ECRG4: variants seen among roughly 807,000 people sequenced by gnomAD.
ECRG4 encodes ECRG4 augurin precursor, also known as augurin.
ECRG4 carries 18 observed loss-of-function variants against 15.8 expected under a neutral mutation model. The observed-to-expected ratio is 1.14, with a 90% CI of 0.79 to 1.69. The LOEUF (loss-of-function observed/expected upper bound fraction) is 1.69. Among genes scored for constraint, ECRG4 ranks in the 40% most tolerant of loss-of-function variants. The pLI is 0.00. For missense variants in ECRG4, 200 were observed against 190.9 expected, an observed-to-expected ratio of 1.05 and a Z score of -0.28; for synonymous variants, 82 against 73.9, an observed-to-expected ratio of 1.11 and a Z score of -0.56.
chr2:106,066,037 C>T (rs1249487973), intron 1 of ECRG4, among the ~76,000 whole-genome samples, 194 bp downstream of exon 1: 1 of 152,194 alleles, frequency 6.6e-6, no homozygotes, highest in Non-Finnish European at 1.5e-5. Flanking sequence ...AAGTGGTGCC[C>T]TTGTGAGGGT....
In ECRG4 at chr2:106,066,504, T is replaced by G. The variant is rs1291172806; in HGVS notation, c.79+661T>G. On this transcript the variant is annotated intron_variant, in intron 1 of 3. Transcript: ENST00000238044. ...TCGCTGGGCTCCACAGGCCCCACTT[T>G]AGGAACCATAATCTGAAGCCGTGGT... 1.3e-5 allele frequency among the ~76,000 whole-genome samples: 2 copies of G among 152,208 alleles called. 1 individual carries two copies. Among genetic ancestry groups the G allele is most frequent in the Admixed American group, 1.3e-4 (2 of 15,284 alleles).
chr2:106,071,567 T>G (rs1676374263), intron 1 of ECRG4, among the ~76,000 whole-genome samples: 1 of 152,180 alleles, frequency 6.6e-6, no homozygotes, highest in Non-Finnish European at 1.5e-5. Flanking sequence ...CGCCTCGTAG[T>G]AAGACACAGG....
intron 3 of ECRG4, among the ~76,000 whole-genome samples, chr2:106,075,263 T>C (rs1676459765): frequency 6.6e-6 from 1 of 152,264 alleles, no homozygotes; most frequent in Non-Finnish European, 1.5e-5. Flanking sequence ...CACATTCCTG[T>C]GAGTCACATG....
intron 1 of ECRG4, among the ~76,000 whole-genome samples, chr2:106,071,394 C>G (rs189805702): frequency 3.4e-4 from 44 of 128,060 alleles, no homozygotes; most frequent in African/African-American, 1.3e-3. Context: ...AAATAAAAAT[C>G]TTGAGATCCT....
At position 106,073,878 on chromosome 2, in the gene ECRG4, G is replaced by T. The variant is rs202023481; in HGVS notation, c.128-8G>T. The T allele has an allele frequency of 5.6e-6, 9 of 1,612,278 alleles. No individual in the cohort carries two copies. Among genetic ancestry groups the T allele is most frequent in the East Asian group, 2.2e-5 (1 of 44,816 alleles). ...TGTGCTTTGGGGATGGGGAATTGAT[G>T]ATTTCAGCACCTGTTCCAACTAAGA... is the stretch of plus-strand genomic sequence containing the variant. On this transcript the variant is annotated splice_region_variant and splice_polypyrimidine_tract_variant and intron_variant, in intron 2 of 3. Coordinates refer to ENST00000238044, the MANE Select transcript of ECRG4 (RefSeq NM_032411.3).
rs1402618755 is a variant in ECRG4, at chr2:106,077,847, A to G, written c.368A>G (p.Tyr123Cys). ...TATGGCGATTACTACCAACGTCACTATGATGAAGACTCTGCAATTGGTCCC... is the reference window on the plus strand; with the variant it reads ...TATGGCGATTACTACCAACGTCACTGTGATGAAGACTCTGCAATTGGTCCC... ...EYYGDYYQRHYDEDSAIGPRS... is the reference protein window; with the variant it reads ...EYYGDYYQRHCDEDSAIGPRS... Residue 123 changes from tyrosine to cysteine, a missense_variant, in exon 4 of 4, where the codon TAT (tyrosine) becomes TGT (cysteine). Physicochemically the swap from Tyr to Cys is radical, Grantham distance 194. Coordinates refer to ENST00000238044, the MANE Select transcript of ECRG4 (RefSeq NM_032411.3). The G allele has an allele frequency of 1.9e-6, 3 of 1,614,092 alleles. No homozygotes were observed. Among genetic ancestry groups the G allele is most frequent in the East Asian group, 2.2e-5 (1 of 44,874 alleles).
At chr2:106,074,267 AC>A in intron 3 of ECRG4, 3 of 527,796 alleles carry the variant, frequency 5.7e-6, no homozygotes, top group Non-Finnish European at 6.7e-6. Context: ...GGCAGAACCC[AC>A]GGCAGTCATG....
At chr2:106,070,262 G>A (rs918277104) in intron 1 of ECRG4, among the ~76,000 whole-genome samples, 2 of 152,198 alleles carry the variant, frequency 1.3e-5, no homozygotes, top group African/African-American at 2.4e-5. Context: ...CACCCTACCC[G>A]TGAATTAGAA....
intron 3 of ECRG4, among the ~76,000 whole-genome samples, chr2:106,074,607 G>C (rs1676446574): frequency 6.6e-6 from 1 of 152,228 alleles, no homozygotes; most frequent in Admixed American, 6.5e-5. Flanking sequence ...GAAAGACAAA[G>C]AGTTTATGAT....
intron 1 of ECRG4, among the ~76,000 whole-genome samples, chr2:106,066,982 T>C (rs1457521173): frequency 6.7e-6 from 1 of 149,212 alleles, no homozygotes; most frequent in Non-Finnish European, 1.5e-5. Flanking sequence ...CTCCCACTCT[T>C]TGTTCTTGCC....
At chr2:106,071,990 C>A in intron 2 of ECRG4, 99 bp downstream of exon 2, 4 of 1,042,492 alleles carry the variant, frequency 3.8e-6, no homozygotes, top group South Asian at 2.9e-5. Context: ...TTTGGAAAAT[C>A]AAAAGTGTTT....
intron 1 of ECRG4, among the ~76,000 whole-genome samples, chr2:106,066,877 C>T (rs770137764): frequency 3.9e-5 from 6 of 152,018 alleles, no homozygotes; most frequent in Non-Finnish European, 5.9e-5. Flanking sequence ...CAGCAGGAGG[C>T]GTGGTGAGGT....
Position 106,077,767 on chromosome 2 carries a change from A to G in ECRG4, c.288A>G (p.Lys96=). The change falls in exon 4 of 4, where the codon AAA becomes AAG. Residue 96 remains lysine (K), a splice_region_variant and synonymous_variant. Transcript: ENST00000238044. ...TCATTCTCTCTCTTTTCCTCCAGAAATTTGAAGATGACATCACCTATTGGC... is the reference window on the plus strand; with the variant it reads ...TCATTCTCTCTCTTTTCCTCCAGAAGTTTGAAGATGACATCACCTATTGGC... ...QFLYMGFDEA[K]FEDDITYWLN... 6.2e-7 allele frequency: 1 copy of G among 1,613,780 alleles called. No individual in the cohort carries two copies.
upstream of ECRG4, among the ~76,000 whole-genome samples, chr2:106,063,611 C>T (rs1198810250): frequency 1.3e-5 from 2 of 152,076 alleles, no homozygotes; most frequent in Non-Finnish European, 2.9e-5. Context: ...TAGATAGTGT[C>T]TCGCTTTGTC....
rs554677818 is a variant in ECRG4 at position 106,074,687 on chromosome 2, T to A, written c.285+644T>A. On this transcript the variant is annotated intron_variant, in intron 3 of 3. Transcript: ENST00000238044. Reference sequence around the variant, plus strand: ...CATGGAAGTCATAGATGCTGCCGCATGGGCATCCATCCATGGTGACTGAGG... The same window carrying A: ...CATGGAAGTCATAGATGCTGCCGCAAGGGCATCCATCCATGGTGACTGAGG... Among the ~76,000 whole-genome samples, 417 of 152,324 alleles carry A rather than the reference T, an allele frequency of 2.7e-3. 3 individuals carry two copies. Among genetic ancestry groups the A allele is most frequent in the Non-Finnish European group, 4.6e-3 (312 of 68,028 alleles).
upstream of ECRG4, chr2:106,063,323 C>T (rs1272130881): frequency 6.6e-6 from 1 of 152,224 alleles, no homozygotes; most frequent in African/African-American, 2.4e-5. Context: ...CTTGAATTTC[C>T]AGCCTCCATA....
intron 3 of ECRG4, among the ~76,000 whole-genome samples, chr2:106,075,457 C>T (rs1008647972): frequency 2.0e-5 from 3 of 152,334 alleles, no homozygotes; most frequent in Middle Eastern, 3.4e-3. Context: ...CATGGTGGCT[C>T]ATGCCTGTAA....
rs137908864 is a variant in ECRG4 at position 106,073,844 on chromosome 2, G to A, written c.128-42G>A. On this transcript the variant is annotated intron_variant, in intron 2 of 3. Coordinates refer to ENST00000238044, the MANE Select transcript of ECRG4 (RefSeq NM_032411.3). ...GGATTCACCGCAAGTGAGGAAGGAAGTCATTCTTTGTGCTTTGGGGATGGG... is the reference window on the plus strand; with the variant it reads ...GGATTCACCGCAAGTGAGGAAGGAAATCATTCTTTGTGCTTTGGGGATGGG... The A allele has an allele frequency of 4.7e-3, 7,567 of 1,606,176 alleles. 248 individuals carry two copies. In the African/African-American group the frequency reaches 0.075, roughly 16 times the overall value.
chr2:106,065,958 T>A (rs1456439379), intron 1 of ECRG4, 115 bp downstream of exon 1: 2 of 952,536 alleles, frequency 2.1e-6, no homozygotes, highest in African/African-American at 3.5e-5. Flanking sequence ...TAGGGACCCA[T>A]CCTTAGCCTA....
Sources: gnomAD v4.1 joint callset for allele counts (sites outside exome capture counted in the v4.1 genomes callset) on GRCh38, gnomAD v4.1.1 for gene constraint, MANE v1.5 for transcripts, NCBI Gene and HGNC (gene_info 2026-07-23, HGNC 2026-07-21) for gene names.